ARNT2: variants seen among roughly 807,000 people sequenced by gnomAD.
ARNT2 encodes aryl hydrocarbon receptor nuclear translocator 2, also known as ARNT protein 2.
Under a neutral mutation model 91.7 loss-of-function variants are expected in ARNT2, and 36 were observed. That is an observed-to-expected ratio of 0.39 (90% CI 0.30 to 0.52). The LOEUF (loss-of-function observed/expected upper bound fraction) is 0.52, where lower values mean the gene tolerates loss of function less well. Among genes scored for constraint, ARNT2 ranks in the 20% least tolerant of loss-of-function variants. ARNT2 has a pLI of 0.72. For missense variants in ARNT2, 775 were observed against 939.3 expected (o/e 0.83, Z 2.29); for synonymous variants, 365 against 347.1 (o/e 1.05, Z -0.57).
intron 8 of ARNT2, among the ~76,000 whole-genome samples, chr15:80,538,896 A>G (rs748262780): frequency 7.9e-5 from 12 of 152,264 alleles, no homozygotes; most frequent in Non-Finnish European, 1.3e-4. Flanking sequence ...TCAATTTAAC[A>G]AAGTTTAAAA....
In ARNT2 at chr15:80,574,990, C is replaced by T; in HGVS notation, c.1393C>T (p.Pro465Ser). Residue 465 changes from proline to serine, a missense_variant, in exon 14 of 19, where the codon CCC (proline) becomes TCC (serine). Physicochemically the swap from Pro to Ser is moderately conservative, Grantham distance 74. Around this residue, in one of 5 missense-constraint regions of ARNT2, gnomAD observed 325 missense variants for 359.9 expected, o/e 0.90. Transcript: ENST00000303329. ...GLSSYDLSQV[P>S]VPNLPAGVHE... ...GTTTTATTTAATGTGCAAATAGGTC[C>T]CCGTCCCCAACCTACCAGCCGGTGT... The T allele has an allele frequency of 1.2e-6, 2 of 1,613,894 alleles. No homozygotes were observed. The highest frequency in any genetic ancestry group is 2.2e-5 in the East Asian group (1 of 44,862).
intron 1 of ARNT2, among the ~76,000 whole-genome samples, chr15:80,448,254 G>A (rs6495502): frequency 0.9 from 137,211 of 152,334 alleles, 61,880 homozygotes; most frequent in East Asian, 1. Flanking sequence ...CTGACTGCAA[G>A]GTAGTGACTT....
chr15:80,552,574 T>A, intron 9 of ARNT2, 66 bp from the exon 10 acceptor site: 1 of 1,563,324 alleles, frequency 6.4e-7, no homozygotes, highest in South Asian at 1.2e-5. Flanking sequence ...ATTCTTCTCA[T>A]CTCTGTCACC....
Position 80,410,471 on chromosome 15 carries a change from A to G in ARNT2, c.31+5925A>G, listed in dbSNP as rs1231817819. Among the ~76,000 whole-genome samples the G allele has an allele frequency of 2.0e-5, 3 of 152,182 alleles. No homozygotes were observed. In the South Asian group the frequency reaches 6.2e-4, roughly 31 times the overall value. On this transcript the variant is annotated intron_variant, in intron 1 of 18. Transcript: ENST00000303329. ...GCTGAGTTGAGCTGCTTGTGCGACA[A>G]GCAAGTGGAACTGTCATGGAGGCAG...
intron 5 of ARNT2, among the ~76,000 whole-genome samples, chr15:80,501,387 T>C (rs1897190562): frequency 6.6e-6 from 1 of 152,160 alleles, no homozygotes; most frequent in African/African-American, 2.4e-5. Context: ...CAGGCATGCA[T>C]AGAAAAAGAC....
chr15:80,581,525 C>A, intron 17 of ARNT2, 121 bp downstream of exon 17: 2 of 1,267,960 alleles, frequency 1.6e-6, no homozygotes, highest in Non-Finnish European at 1.1e-6. Context: ...TGGAGGTTTC[C>A]AAGCACCTCC....
intron 1 of ARNT2, among the ~76,000 whole-genome samples, chr15:80,447,382 C>T (rs982192798): frequency 2.6e-5 from 4 of 152,164 alleles, no homozygotes; most frequent in Non-Finnish European, 5.9e-5. Context: ...CTGGAGGTAT[C>T]CAAAGTGTGA....
chr15:80,566,329 G>A (rs149865702), intron 12 of ARNT2, among the ~76,000 whole-genome samples: 1,751 of 152,206 alleles, frequency 0.012, 9 homozygotes, highest in Non-Finnish European at 0.018. Context: ...TTCTCTTCCT[G>A]TTCATGAGTG....
intron 1 of ARNT2, among the ~76,000 whole-genome samples, chr15:80,411,307 G>A (rs970203714): frequency 2.0e-5 from 3 of 152,184 alleles, no homozygotes; most frequent in Non-Finnish European, 2.9e-5. Context: ...CAACAGTATG[G>A]CAGCCCTGGC....
At chr15:80,443,897 C>A (rs1457636697) in intron 1 of ARNT2, among the ~76,000 whole-genome samples, 1 of 152,200 alleles carries the variant, frequency 6.6e-6, no homozygotes, top group Non-Finnish European at 1.5e-5. Flanking sequence ...GGGGAAGCAG[C>A]TCTTTGGTGG....
intron 5 of ARNT2, among the ~76,000 whole-genome samples, chr15:80,478,523 A>G (rs1191098134): frequency 1.3e-5 from 2 of 152,348 alleles, no homozygotes; most frequent in Non-Finnish European, 2.9e-5. Flanking sequence ...AGGCCCTGTG[A>G]AAGGTGAAGA....
At chr15:80,443,383 G>T (rs1194978459) in intron 1 of ARNT2, among the ~76,000 whole-genome samples, 1 of 152,204 alleles carries the variant, frequency 6.6e-6, no homozygotes, top group Non-Finnish European at 1.5e-5. Context: ...AGAGGCAAGG[G>T]CTGGCCTTGT....
intron 8 of ARNT2, among the ~76,000 whole-genome samples, chr15:80,545,152 T>C (rs1342299303): frequency 6.6e-6 from 1 of 152,224 alleles, no homozygotes; most frequent in African/African-American, 2.4e-5. Context: ...CCCTTGTCCA[T>C]CTACTGAGCA....
intron 13 of ARNT2, 82 bp from the exon 14 acceptor site, chr15:80,574,905 A>C: frequency 6.7e-7 from 1 of 1,499,646 alleles, no homozygotes; most frequent in Non-Finnish European, 9.1e-7. Flanking sequence ...GCTCTGATGA[A>C]GGAGAGCTGG....
intron 5 of ARNT2, among the ~76,000 whole-genome samples, chr15:80,490,502 C>T (rs757239631): frequency 2.0e-5 from 3 of 152,238 alleles, no homozygotes; most frequent in South Asian, 2.1e-4. Flanking sequence ...CTGAAGCCCA[C>T]GGAAGAAAGC....
rs1339946153 is a variant in ARNT2 at position 80,563,376 on chromosome 15, G to A, written c.1316+137G>A. 4.6e-6 allele frequency: 5 copies of A among 1,079,192 alleles called. No homozygotes were observed. In the African/African-American group the frequency reaches 4.7e-5, roughly 10 times the overall value. 66.9% of individuals were successfully genotyped at this position (1,079,192 alleles called of 1,614,324 possible). ...AATCCCTGTAGGATTAAGAATAGAG[G>A]AGACTGTAGGTCCCCATCACTGTCT... On this transcript the variant is annotated intron_variant, in intron 12 of 18. Transcript: ENST00000303329.
At chr15:80,471,975 T>C (rs984281729) in intron 4 of ARNT2, among the ~76,000 whole-genome samples, 4 of 151,798 alleles carry the variant, frequency 2.6e-5, no homozygotes, top group Non-Finnish European at 5.9e-5. Context: ...TAGGGCAAGT[T>C]GGCAAATACT....
intron 8 of ARNT2, among the ~76,000 whole-genome samples, chr15:80,547,346 A>T (rs1036019702): frequency 3.9e-5 from 6 of 152,312 alleles, no homozygotes; most frequent in South Asian, 4.1e-4. Flanking sequence ...AAAATAATTT[A>T]AAAATGTTTA....
At chr15:80,470,513 G>A in intron 4 of ARNT2, 82 bp downstream of exon 4, 1 of 1,467,342 alleles carries the variant, frequency 6.8e-7, no homozygotes, top group Non-Finnish European at 9.3e-7. Context: ...TGGGGAACCA[G>A]GGCTCAAGGT....
Sources: allele counts gnomAD v4.1 joint callset (sites outside exome capture counted in the v4.1 genomes callset), GRCh38; gene constraint gnomAD v4.1.1; regional missense constraint gnomAD v4.1.1; transcripts MANE v1.5; gene names NCBI Gene and HGNC (gene_info 2026-07-23, HGNC 2026-07-21).